The following EYS variants were observed in gnomAD, a reference collection of about 807,000 sequenced individuals.
EYS encodes the protein protein eyes shut homolog.
Under a neutral mutation model 282.1 loss-of-function variants are expected in EYS, and 250 were observed. That is an observed-to-expected ratio of 0.89 (90% CI 0.80 to 0.98). The LOEUF is 0.98. EYS is among the 50% of genes least tolerant of loss of function. The pLI is 0.00. For missense variants in EYS, 4,016 were observed against 3,709.0 expected, an observed-to-expected ratio of 1.08 and a Z score of -2.15; for synonymous variants, 1,355 against 1,282.9, an observed-to-expected ratio of 1.06 and a Z score of -1.20.
At chr6:65,220,427 T>C (rs988783661) in intron 12 of EYS, among the ~76,000 whole-genome samples, 5 of 152,060 alleles carry the variant, frequency 3.3e-5, no homozygotes, top group Non-Finnish European at 7.4e-5. Flanking sequence ...ATAAGCCTCA[T>C]GAGATTTGAT....
chr6:65,620,937 T>A (rs1309310304), intron 2 of EYS, among the ~76,000 whole-genome samples: 3 of 152,230 alleles, frequency 2.0e-5, no homozygotes, highest in Non-Finnish European at 4.4e-5. Context: ...ATCATTTCTG[T>A]TCTTTTACAT....
intron 1 of EYS, among the ~76,000 whole-genome samples, chr6:65,699,252 A>G (rs966570671): frequency 6.6e-6 from 1 of 152,144 alleles, no homozygotes; most frequent in Non-Finnish European, 1.5e-5. Context: ...TTGTGCTTAT[A>G]ATGAAGTTGA....
chr6:65,281,600 A>G (rs576224057), intron 12 of EYS, among the ~76,000 whole-genome samples: 3 of 152,208 alleles, frequency 2.0e-5, no homozygotes, highest in Non-Finnish European at 2.9e-5. Flanking sequence ...ACGTGTAATC[A>G]TTCTTGCATA....
chr6:64,131,225 C>T (rs919906692), intron 31 of EYS, among the ~76,000 whole-genome samples: 12 of 152,002 alleles, frequency 7.9e-5, no homozygotes, highest in Non-Finnish European at 1.3e-4. Flanking sequence ...AGGGGAGTGA[C>T]GTGGTATGAT....
At chr6:64,820,276 G>A (rs1764862054) in intron 21 of EYS, among the ~76,000 whole-genome samples, 1 of 151,930 alleles carries the variant, frequency 6.6e-6, no homozygotes. Context: ...GAATCACATA[G>A]GTAGAATTTT....
At chr6:64,246,344 C>T (rs1443752659) in intron 30 of EYS, among the ~76,000 whole-genome samples, 1 of 151,930 alleles carries the variant, frequency 6.6e-6, no homozygotes, top group Non-Finnish European at 1.5e-5. Context: ...TGCCATACTA[C>T]CTGAAATGGA....
At chr6:65,358,630 G>A (rs1562120156) in intron 8 of EYS, among the ~76,000 whole-genome samples, 1 of 151,126 alleles carries the variant, frequency 6.6e-6, no homozygotes, top group Admixed American at 6.6e-5. Flanking sequence ...GTGTGTGTGT[G>A]TGTGTGTGTT....
intron 5 of EYS, among the ~76,000 whole-genome samples, chr6:65,410,717 A>C (rs1258963498): frequency 6.6e-6 from 1 of 151,722 alleles, no homozygotes; most frequent in Non-Finnish European, 1.5e-5. Context: ...AAGGAATTGA[A>C]GTCAGTATAC....
chr6:63,872,619 C>T (rs891381011), intron 35 of EYS, among the ~76,000 whole-genome samples: 15 of 151,440 alleles, frequency 9.9e-5, no homozygotes, highest in Non-Finnish European at 2.2e-4. Flanking sequence ...GCTGGGATTA[C>T]AGGCACATGC....
intron 33 of EYS, among the ~76,000 whole-genome samples, chr6:64,023,899 G>T (rs1289915208): frequency 1.3e-5 from 2 of 152,228 alleles, no homozygotes; most frequent in African/African-American, 4.8e-5. Context: ...CCAGCCCAGG[G>T]CACCGAGGGG....
chr6:63,907,827 T>C (rs1045347799), intron 35 of EYS, among the ~76,000 whole-genome samples: 1 of 152,016 alleles, frequency 6.6e-6, no homozygotes, highest in Non-Finnish European at 1.5e-5. Context: ...TGTTCATGTG[T>C]ATACATTATT....
intron 12 of EYS, among the ~76,000 whole-genome samples, chr6:65,180,959 G>A (rs1040880517): frequency 6.6e-6 from 1 of 152,112 alleles, no homozygotes; most frequent in African/African-American, 2.4e-5. Context: ...AATGGGGAAA[G>A]GATTCCCTAT....
intron 22 of EYS, among the ~76,000 whole-genome samples, chr6:64,727,273 T>C (rs1771787541): frequency 6.6e-6 from 1 of 151,418 alleles, no homozygotes; most frequent in Admixed American, 6.5e-5. Context: ...ATTTCTGCAT[T>C]GCGTAATTAT....
At chr6:64,702,907 C>A (rs933575448) in intron 22 of EYS, among the ~76,000 whole-genome samples, 1 of 151,048 alleles carries the variant, frequency 6.6e-6, no homozygotes, top group Non-Finnish European at 1.5e-5. Flanking sequence ...CAATGCTTTG[C>A]AAGTCACAAA....
At chr6:64,437,790 C>CTA (rs750415890) in intron 27 of EYS, among the ~76,000 whole-genome samples, 30 of 149,226 alleles carry the variant, frequency 2.0e-4, no homozygotes, top group Admixed American at 1.2e-3. Context: ...TGCCATGGTG[C>CTA]TATATATATA....
intron 27 of EYS, 82 bp downstream of exon 27, chr6:64,439,080 T>C (rs1400243601): frequency 2.7e-6 from 2 of 754,246 alleles, no homozygotes; most frequent in Admixed American, 7.7e-5. Context: ...AAGTTTAAAT[T>C]TTATTTTGAA....
At chr6:64,534,530 ATT>A (rs1431685182) in intron 26 of EYS, among the ~76,000 whole-genome samples, 1 of 151,886 alleles carries the variant, frequency 6.6e-6, no homozygotes, top group Non-Finnish European at 1.5e-5. Context: ...TTTTTTCTGT[ATT>A]TTTCTTTTTC....
chr6:64,002,461 A>T (rs1159064402), intron 33 of EYS, among the ~76,000 whole-genome samples: 2 of 152,336 alleles, frequency 1.3e-5, no homozygotes, highest in Non-Finnish European at 2.9e-5. Context: ...CAGATAGCAA[A>T]GCTAAAGGAG....
At chr6:63,818,165 A>G (rs1771230673) in intron 36 of EYS, among the ~76,000 whole-genome samples, 1 of 152,260 alleles carries the variant, frequency 6.6e-6, no homozygotes, top group South Asian at 2.1e-4. Context: ...GTCCTTTCAT[A>G]ATGTATTTAA....
Sources: allele counts gnomAD v4.1 joint callset (sites outside exome capture counted in the v4.1 genomes callset), GRCh38; gene constraint gnomAD v4.1.1; transcripts MANE v1.5; gene names NCBI Gene and HGNC (gene_info 2026-07-23, HGNC 2026-07-21).